NDRG2: variants seen among roughly 807,000 people sequenced by gnomAD.
NDRG2 encodes NDRG family member 2.
NDRG2 carries 34 observed loss-of-function variants against 58.2 expected under a neutral mutation model. The observed-to-expected ratio is 0.58, with a 90% confidence interval of 0.44 to 0.78. The LOEUF is 0.78. Among genes scored for constraint, NDRG2 ranks in the 30% least tolerant of loss-of-function variants. NDRG2 has a pLI of 0.00. For missense variants in NDRG2, 434 were observed against 471.2 expected (o/e 0.92, Z 0.73); for synonymous variants, 187 against 175.9 (o/e 1.06, Z -0.50).
chr14:21,031,946 G>A lies in NDRG2; in HGVS notation c.25-8625C>T, dbSNP rs748668328. The A allele has an allele frequency of 2.1e-5, 34 of 1,613,996 alleles. No homozygotes were observed. In the East Asian group the frequency reaches 4.9e-4, roughly 23 times the overall value. ...TTTGACAGACACCAGCAAGTACACC[G>A]GCACCCACAAGGAGCGCTTTGATGA... On this transcript the variant is annotated intron_variant, in intron 1 of 14. Transcript: ENST00000403829.
At chr14:21,019,541 A>T in intron 10 of NDRG2, 98 bp downstream of exon 10, 1 of 781,520 alleles carries the variant, frequency 1.3e-6, no homozygotes, top group Non-Finnish European at 2.1e-6. Flanking sequence ...CACATTGCAC[A>T]CTACCCAGAC....
At position 21,036,666 on chromosome 14, in the gene NDRG2, C is replaced by T. The variant is rs7156929; in HGVS notation, c.25-13345G>A. On this transcript the variant is annotated intron_variant, in intron 1 of 14. Transcript: ENST00000403829. ...TGCCTGCTTCCCACCTTGTCCCCCA[C>T]CTCCTCTATGCCCTATCTGCTGCTG... Among the ~76,000 whole-genome samples, 234 of 152,304 alleles carry T rather than the reference C, an allele frequency of 1.5e-3. 1 individual carries two copies. Among genetic ancestry groups the T allele is most frequent in the African/African-American group, 5.4e-3 (223 of 41,546 alleles).
chr14:21,032,735 C>T (rs1022409865), intron 1 of NDRG2: 6 of 363,650 alleles, frequency 1.6e-5, no homozygotes, highest in Non-Finnish European at 2.7e-5. Flanking sequence ...GGAAGATGGC[C>T]AGATGAGGCA....
Position 21,023,292 on chromosome 14 carries a change from C to T in NDRG2, c.24G>A (p.Gln8=), listed in dbSNP as rs1454075078. Reference sequence around the variant, plus strand: ...GCAACAGTGGCTTCTCCTCTGTGATCTGCACCTCCTGCAGCTCCGCCATGG... The same window carrying T: ...GCAACAGTGGCTTCTCCTCTGTGATTTGCACCTCCTGCAGCTCCGCCATGG... MAELQEV[Q]ITEEKPLLPG... Residue 8 remains glutamine (Q), a synonymous_variant, in exon 2 of 16, where the codon CAG becomes CAA. Transcript: ENST00000556147. 2 of 1,613,704 alleles carry T rather than the reference C, an allele frequency of 1.2e-6. No individual in the cohort carries two copies. Among genetic ancestry groups the T allele is most frequent in the East Asian group, 4.5e-5 (2 of 44,900 alleles).
intron 4 of NDRG2, 86 bp downstream of exon 4, chr14:21,022,306 C>T: frequency 5.7e-6 from 9 of 1,568,622 alleles, no homozygotes; most frequent in Middle Eastern, 1.7e-4. Context: ...CCCACACTGA[C>T]CCCTCCCCTC....
chr14:21,021,422 T>TAATGATACGGCGA, intron 6 of NDRG2: 1 of 312,194 alleles, frequency 3.2e-6, no homozygotes, highest in Non-Finnish European at 6.2e-6. Context: ...CCCAACTCTC[T>TAATGATACGGCGA]CTCACCCGCA....
chr14:21,033,074 G>A (rs947627658), intron 1 of NDRG2: 7 of 444,548 alleles, frequency 1.6e-5, no homozygotes, highest in Non-Finnish European at 2.7e-5. Flanking sequence ...AACCTCTGGG[G>A]AATGGGTGAG....
intron 1 of NDRG2, chr14:21,033,648 C>G (rs1884402414): frequency 8.0e-6 from 5 of 622,382 alleles, no homozygotes; most frequent in Middle Eastern, 3.1e-4. Flanking sequence ...GAAGATAGCA[C>G]CACTTTGCAT....
At chr14:21,066,804 T>A (rs1886294089) in intron 1 of NDRG2, among the ~76,000 whole-genome samples, 1 of 152,160 alleles carries the variant, frequency 6.6e-6, no homozygotes, top group East Asian at 1.9e-4. Context: ...GTTGTTAATT[T>A]TTGAAAAAAT....
chr14:21,067,778 A>ACG (rs1285263053), intron 1 of NDRG2, among the ~76,000 whole-genome samples: 1 of 151,634 alleles, frequency 6.6e-6, no homozygotes, highest in Admixed American at 6.6e-5. Context: ...ACACACACAC[A>ACG]CACACACTTT....
At chr14:21,058,689 G>A (rs1018613693) in intron 1 of NDRG2, among the ~76,000 whole-genome samples, 8 of 152,276 alleles carry the variant, frequency 5.3e-5, no homozygotes, top group South Asian at 2.1e-4. Flanking sequence ...AATTACAAAC[G>A]TAAATAAGTC....
intron 13 of NDRG2, 96 bp from the exon 14 acceptor site, chr14:21,018,335 T>A: frequency 1.9e-6 from 3 of 1,603,044 alleles, no homozygotes; most frequent in Non-Finnish European, 2.6e-6. Flanking sequence ...TTCTTCACTC[T>A]AGCCCCTTTG....
intron 1 of NDRG2, among the ~76,000 whole-genome samples, chr14:21,051,870 T>G (rs552298815): frequency 6.6e-6 from 1 of 152,298 alleles, no homozygotes; most frequent in Admixed American, 6.5e-5. Flanking sequence ...GGTACTGCTG[T>G]CCTTCAGGCC....
chr14:21,053,258 G>A (rs1026391255), intron 1 of NDRG2, among the ~76,000 whole-genome samples: 4 of 152,086 alleles, frequency 2.6e-5, no homozygotes, highest in Non-Finnish European at 4.4e-5. Flanking sequence ...TGAGGCGAGT[G>A]GATCACTTGA....
At chr14:21,054,804 C>T (rs537629072) in intron 1 of NDRG2, among the ~76,000 whole-genome samples, 24 of 152,270 alleles carry the variant, frequency 1.6e-4, no homozygotes, top group Non-Finnish European at 1.9e-4. Flanking sequence ...TAAAGTTGTA[C>T]ACAAAGCACA....
intron 14 of NDRG2, 54 bp downstream of exon 14, chr14:21,018,150 T>A: frequency 6.2e-7 from 1 of 1,609,178 alleles, no homozygotes; most frequent in Non-Finnish European, 8.5e-7. Flanking sequence ...CAGAGCCCAG[T>A]GCCACCGGTA....
chr14:21,053,619 T>C (rs1335620331), intron 1 of NDRG2, among the ~76,000 whole-genome samples: 2 of 151,254 alleles, frequency 1.3e-5, no homozygotes, highest in African/African-American at 4.9e-5. Flanking sequence ...AGAGCAAGAC[T>C]CCGTCTCAGA....
At chr14:21,021,411 C>A (rs1880219859) in intron 6 of NDRG2, 1 of 314,914 alleles carries the variant, frequency 3.2e-6, no homozygotes, top group African/African-American at 2.2e-5. Context: ...TCTCTTCCTT[C>A]CCCAACTCTC....
Position 21,049,133 on chromosome 14 carries a change from AAGGATTTGATT to A in NDRG2, c.24+21684_24+21694del, listed in dbSNP as rs149739116. 6.4e-3 allele frequency among the ~76,000 whole-genome samples: 969 copies of A among 152,260 alleles called. 7 individuals are homozygous for A. The highest frequency in any genetic ancestry group is 0.022 in the African/African-American group (901 of 41,530). On this transcript the variant is annotated intron_variant, in intron 1 of 14. Coordinates refer to the NDRG2 transcript ENST00000403829. ...TGCCCTCTGTATTCCCTCCCATCCA[AAGGATTTGATT>A]ATTGCAGCAATTGATGGAGACAGGG...
Sources: gnomAD v4.1 joint callset for allele counts (sites outside exome capture counted in the v4.1 genomes callset) on GRCh38, gnomAD v4.1.1 for gene constraint, MANE v1.5 for transcripts, NCBI Gene and HGNC (gene_info 2026-07-23, HGNC 2026-07-21) for gene names.